Variants in CCNA2 observed in about 807,000 individuals in gnomAD.
The protein encoded by CCNA2 is cyclin A2.
Under a neutral mutation model 49.4 loss-of-function variants are expected in CCNA2, and 3 were observed. The observed-to-expected ratio is 0.06, with a 90% CI of 0.03 to 0.16. The LOEUF (loss-of-function observed/expected upper bound fraction) is 0.16, where lower values mean the gene tolerates loss of function less well. CCNA2 is among the 10% of genes least tolerant of loss of function. CCNA2 has a pLI of 1.00. For synonymous variants in CCNA2, 206 were observed against 197.2 expected (o/e 1.04, Z -0.37); for missense variants, 372 against 519.7 (o/e 0.72, Z 2.76).
chr4:121,817,113 T>G lies in CCNA2; in HGVS notation c.*525A>C. 2.7e-6 allele frequency: 1 copy of G among 376,092 alleles called. No homozygotes were observed. The highest frequency in any genetic ancestry group is 4.8e-6 in the Non-Finnish European group (1 of 210,200). The allele number at this position is 376,092 out of a possible 1,614,324, so 23.3% of individuals were successfully genotyped here. On this transcript the variant is annotated 3_prime_UTR_variant, in exon 8 of 8. Transcript: ENST00000274026. The stretch of plus-strand genomic sequence containing the variant: ...CCTCGCAAAACCTAAACAAACAGGT[T>G]TTACAAAGAGCGAAAAAGTCTGGGG...
At chr4:121,817,712 T>C (rs778370868) in intron 7 of CCNA2, 26 bp from the exon 8 acceptor site, 1 of 1,613,582 alleles carries the variant, frequency 6.2e-7, no homozygotes, top group Non-Finnish European at 8.5e-7. Flanking sequence ...AAAAAAGCAT[T>C]TTTAGTAAAC....
At position 121,816,501 on chromosome 4, in the gene CCNA2, G is replaced by C. The variant is rs1266567663; in HGVS notation, c.*1137C>G. The C allele has an allele frequency of 2.5e-6, 3 of 1,180,054 alleles. No homozygotes were observed. The highest frequency in any genetic ancestry group is 2.4e-6 in the Non-Finnish European group (2 of 826,728). 73.1% of individuals were successfully genotyped at this position (1,180,054 alleles called of 1,614,324 possible). On this transcript the variant is annotated 3_prime_UTR_variant, in exon 8 of 8. Transcript: ENST00000274026. Reference sequence around the variant, plus strand: ...TATACATATACTCAACACTTATAGAGGTTTGCTCTCTGGTTTTACTCTCAT... The same window carrying C: ...TATACATATACTCAACACTTATAGACGTTTGCTCTCTGGTTTTACTCTCAT...
At chr4:121,819,048 T>A (rs1485438460) in intron 5 of CCNA2, 135 bp from the exon 6 acceptor site, 2 of 632,608 alleles carry the variant, frequency 3.2e-6, no homozygotes, top group Admixed American at 5.4e-5. Context: ...CACAGCCTCA[T>A]CTTTAAACAT....
intron 2 of CCNA2, 33 bp downstream of exon 2, chr4:121,822,370 C>T (rs769522699): frequency 3.8e-6 from 6 of 1,592,852 alleles, no homozygotes; most frequent in Admixed American, 1.7e-5. Context: ...TTATAATTAC[C>T]GTAATTCCAC....
At chr4:121,819,307 G>C in intron 5 of CCNA2, 65 bp downstream of exon 5, 1 of 1,228,340 alleles carries the variant, frequency 8.1e-7, no homozygotes, top group Non-Finnish European at 1.2e-6. Flanking sequence ...CTTTACAAAG[G>C]AATTAGGGCT....
In CCNA2 at chr4:121,816,688, C is replaced by T; in HGVS notation, c.*950G>A. The T allele has an allele frequency of 7.3e-7, 1 of 1,370,234 alleles. No homozygotes were observed. The highest frequency in any genetic ancestry group is 2.6e-5 in the East Asian group (1 of 38,934). 84.9% of individuals were successfully genotyped at this position (1,370,234 alleles called of 1,614,324 possible). ...CATAGCTGACACATTTTAGATCCTA[C>T]TGGAAAACTAAGAAATGCCTCTTAT... is the stretch of plus-strand genomic sequence containing the variant. On this transcript the variant is annotated 3_prime_UTR_variant, in exon 8 of 8. Transcript: ENST00000274026.
At position 121,823,651 on chromosome 4, in the gene CCNA2, C is replaced by T; in HGVS notation, c.-23G>A. ...CATCACTGCTCCCGGGAGTGGACGG[C>T]GGGATCAGCCTGCGGCGCCAAGCAG... On this transcript the variant is annotated 5_prime_UTR_variant, in exon 1 of 8. Coordinates refer to ENST00000274026, the MANE Select transcript of CCNA2 (RefSeq NM_001237.5). 2 of 1,548,378 alleles carry T rather than the reference C, an allele frequency of 1.3e-6. No individual in the cohort carries two copies. Among genetic ancestry groups the T allele is most frequent in the Non-Finnish European group, 1.7e-6 (2 of 1,151,328 alleles).
At chr4:121,822,382 C>CTA (rs1364534066) in intron 2 of CCNA2, 21 bp downstream of exon 2, 1 of 1,606,260 alleles carries the variant, frequency 6.2e-7, no homozygotes, top group Non-Finnish European at 8.5e-7. Flanking sequence ...TAATTCCACA[C>CTA]AGATTTTCCT....
intron 1 of CCNA2, 75 bp downstream of exon 1, chr4:121,823,341 A>G (rs1056308115): frequency 6.8e-7 from 1 of 1,481,138 alleles, no homozygotes; most frequent in Non-Finnish European, 9.1e-7. Context: ...CCTTCTCGCC[A>G]CTCTTCTCTG....
chr4:121,816,622 C>A lies in CCNA2; in HGVS notation c.*1016G>T. 2.3e-6 allele frequency: 2 copies of A among 865,484 alleles called. No homozygotes were observed. Among genetic ancestry groups the A allele is most frequent in the Non-Finnish European group, 3.4e-6 (2 of 585,494 alleles). 53.6% of individuals were successfully genotyped at this position (865,484 alleles called of 1,614,324 possible). On this transcript the variant is annotated 3_prime_UTR_variant, in exon 8 of 8. Transcript: ENST00000274026. ...ACCTTGTGATTTATAAAAATTAGGA[C>A]CTAAATCTATAATATAAACTTCTTG...
At chr4:121,821,609 T>C (rs1393044802) in intron 2 of CCNA2, among the ~76,000 whole-genome samples, 1 of 152,198 alleles carries the variant, frequency 6.6e-6, no homozygotes, top group Admixed American at 6.5e-5. Flanking sequence ...TATAAATAAT[T>C]TATTTTTTGT....
intron 1 of CCNA2, 47 bp from the exon 2 acceptor site, chr4:121,822,693 C>T (rs1179630460): frequency 6.3e-7 from 1 of 1,588,994 alleles, no homozygotes; most frequent in Non-Finnish European, 8.6e-7. Context: ...GTCTTGCATT[C>T]TTTCTCTTAT....
chr4:121,817,945 C>G (rs954999545), intron 7 of CCNA2, 99 bp downstream of exon 7: 9 of 1,233,998 alleles, frequency 7.3e-6, no homozygotes, highest in Non-Finnish European at 8.0e-6. Context: ...AACAGCTTCT[C>G]AAGGAGGCTA....
chr4:121,817,114 T>G lies in CCNA2; in HGVS notation c.*524A>C, dbSNP rs1244558959. 1.1e-5 allele frequency: 4 copies of G among 373,654 alleles called. No homozygotes were observed. The East Asian group carries it at 2.0e-4, about 19-fold the overall frequency. The allele number at this position is 373,654 out of a possible 1,614,324, so 23.1% of individuals were successfully genotyped here. On this transcript the variant is annotated 3_prime_UTR_variant, in exon 8 of 8. Transcript: ENST00000274026. ...CTCGCAAAACCTAAACAAACAGGTT[T>G]TACAAAGAGCGAAAAAGTCTGGGGA...
chr4:121,816,647 G>T lies in CCNA2; in HGVS notation c.*991C>A. 1.0e-6 allele frequency: 1 copy of T among 985,708 alleles called. No homozygotes were observed. 61.1% of individuals were successfully genotyped at this position (985,708 alleles called of 1,614,324 possible). A position where few individuals can be genotyped will look rare whatever the true frequency, so the allele number is the denominator to read the frequency against. ...CCTAAATCTATAATATAAACTTCTT[G>T]GATGCCAGTCTTACTCATAGCTGAC... On this transcript the variant is annotated 3_prime_UTR_variant, in exon 8 of 8. Transcript: ENST00000274026.
In CCNA2 at chr4:121,820,451, G is replaced by A. The variant is rs1724664453; in HGVS notation, c.794+91C>T. ...CCTAAAGTAGTCACTGACTCTGCCT[G>A]GTGTATGTTAAAAGGTCACCATTAA... On this transcript the variant is annotated intron_variant, in intron 4 of 7. Coordinates refer to ENST00000274026, the MANE Select transcript of CCNA2 (RefSeq NM_001237.5). This position sits in a 1 kb window ranked among gnomAD's most constrained non-coding sequence, Gnocchi z 4.1. The A allele has an allele frequency of 2.4e-6, 2 of 845,906 alleles. No individual in the cohort carries two copies. Among genetic ancestry groups the A allele is most frequent in the Middle Eastern group, 2.3e-4 (1 of 4,372 alleles). The allele number at this position is 845,906 out of a possible 1,614,324, so 52.4% of individuals were successfully genotyped here.
intron 4 of CCNA2, among the ~76,000 whole-genome samples, chr4:121,819,996 A>G: frequency 6.9e-6 from 1 of 144,340 alleles, no homozygotes; most frequent in Non-Finnish European, 1.5e-5. Flanking sequence ...GCCAGAGTGC[A>G]GTGGTGCAAT....
In CCNA2 at chr4:121,818,099, G is replaced by C. The variant is rs1414123978; in HGVS notation, c.1195C>G (p.Leu399Val). Reference sequence around the variant, plus strand: ...TGTTGTGCATGCTGTGGTGCTTTGAGGTAGGTCTGGTGAAGGTCCATGAGA... The same window carrying C: ...TGTTGTGCATGCTGTGGTGCTTTGACGTAGGTCTGGTGAAGGTCCATGAGA... The part of the protein sequence containing the change: ...PCLMDLHQTY[L>V]KAPQHAQQSI... Residue 399 changes from leucine (L) to valine (V), a missense_variant, in exon 7 of 8, where the codon CTC becomes GTC. Leu to Val is a conservative substitution (Grantham distance 32, BLOSUM62 1). Around this residue, in one of 2 missense-constraint regions of CCNA2, gnomAD observed 155 missense variants for 288.1 expected, o/e 0.54. Transcript: ENST00000274026. 1.5e-5 allele frequency: 25 copies of C among 1,613,710 alleles called. No homozygotes were observed. Among genetic ancestry groups the C allele is most frequent in the Non-Finnish European group, 2.0e-5 (24 of 1,179,734 alleles).
chr4:121,822,827 GGCTATCAATA>G (rs1724723652), intron 1 of CCNA2, among the ~76,000 whole-genome samples, 181 bp from the exon 2 acceptor site: 1 of 152,094 alleles, frequency 6.6e-6, no homozygotes, highest in Non-Finnish European at 1.5e-5. Flanking sequence ...TTCCCACAAA[GGCTATCAATA>G]GATAACACTA....
Sources: allele counts gnomAD v4.1 joint callset (sites outside exome capture counted in the v4.1 genomes callset), GRCh38; gene constraint gnomAD v4.1.1; regional missense constraint gnomAD v4.1.1; non-coding constraint Gnocchi (gnomAD v3.1); transcripts MANE v1.5; gene names NCBI Gene and HGNC (gene_info 2026-07-23, HGNC 2026-07-21).